LRP1B: variants seen among roughly 807,000 people sequenced by gnomAD.
LRP1B encodes the protein LDL receptor related protein 1B.
Under a neutral mutation model 556.6 loss-of-function variants are expected in LRP1B, and 217 were observed. The ratio of observed to expected loss-of-function variants is 0.39; its 90% CI spans 0.35 to 0.44. LRP1B has a LOEUF of 0.44. LRP1B is among the 20% of genes least tolerant of loss of function. The pLI, the probability that LRP1B is intolerant of heterozygous loss-of-function variation, is 1.00. For missense variants in LRP1B, 5,053 were observed against 5,620.8 expected (o/e 0.90, Z 3.23); for synonymous variants, 2,047 against 1,865.8 (o/e 1.10, Z -2.50).
At chr2:140,957,482 T>C (rs1164917647) in intron 18 of LRP1B, among the ~76,000 whole-genome samples, 4 of 144,268 alleles carry the variant, frequency 2.8e-5, no homozygotes, top group African/African-American at 9.9e-5. Context: ...GAAGTACATA[T>C]ACAATGAGAC....
chr2:140,302,144 TTA>T (rs1377789048), intron 83 of LRP1B, among the ~76,000 whole-genome samples: 5 of 152,208 alleles, frequency 3.3e-5, no homozygotes, highest in Admixed American at 6.5e-5. Context: ...ACAATTGTCT[TTA>T]TGTTTTCTCT....
chr2:141,065,113 AAATTTTT>A (rs1699443258), intron 7 of LRP1B, among the ~76,000 whole-genome samples: 1 of 151,812 alleles, frequency 6.6e-6, no homozygotes, highest in Admixed American at 6.6e-5. Flanking sequence ...AACTCACACA[AAATTTTT>A]AATTTTTAAG....
At chr2:140,297,656 G>T in intron 84 of LRP1B, 152 bp downstream of exon 84, 1 of 815,960 alleles carries the variant, frequency 1.2e-6, no homozygotes, top group Non-Finnish European at 1.9e-6. Flanking sequence ...TAAGAGAAAG[G>T]TGAAGAATGG....
chr2:141,830,595 C>A (rs917573883), intron 1 of LRP1B, among the ~76,000 whole-genome samples: 2 of 151,678 alleles, frequency 1.3e-5, no homozygotes, highest in African/African-American at 4.8e-5. Context: ...TTACCTTACT[C>A]CTACCAGTGC....
At chr2:141,952,544 G>T (rs1701135119) in intron 1 of LRP1B, among the ~76,000 whole-genome samples, 1 of 152,134 alleles carries the variant, frequency 6.6e-6, no homozygotes, top group Non-Finnish European at 1.5e-5. Context: ...TCTGAAAACA[G>T]TGGTGGGGAA....
At chr2:141,168,215 T>G (rs1189428991) in intron 7 of LRP1B, among the ~76,000 whole-genome samples, 1 of 152,042 alleles carries the variant, frequency 6.6e-6, no homozygotes, top group African/African-American at 2.4e-5. Flanking sequence ...TTTCAGCAAT[T>G]GCCATTAAAA....
intron 1 of LRP1B, among the ~76,000 whole-genome samples, chr2:142,073,510 T>C (rs1705395894): frequency 6.6e-6 from 1 of 152,104 alleles, no homozygotes; most frequent in Non-Finnish European, 1.5e-5. Flanking sequence ...CCAAATTTAC[T>C]TGCCTATATG....
intron 2 of LRP1B, among the ~76,000 whole-genome samples, chr2:141,748,465 C>T (rs13391850): frequency 0.036 from 5,410 of 152,236 alleles, 313 homozygotes; most frequent in African/African-American, 0.12. Context: ...ATAAGTGTAG[C>T]TTCTTCCTCT....
intron 29 of LRP1B, among the ~76,000 whole-genome samples, chr2:140,843,100 G>T (rs35495265): frequency 0.12 from 3,103 of 26,708 alleles, 194 homozygotes; most frequent in Middle Eastern, 0.25. Context: ...TTTTTTTTTT[G>T]TTTTTTTTTT....
chr2:142,117,583 C>T (rs1419249724), intron 1 of LRP1B, among the ~76,000 whole-genome samples: 1 of 151,938 alleles, frequency 6.6e-6, no homozygotes, highest in Non-Finnish European at 1.5e-5. Flanking sequence ...TATTGGTTCC[C>T]ACAATGGATT....
intron 1 of LRP1B, among the ~76,000 whole-genome samples, chr2:142,116,025 G>C (rs1270869185): frequency 6.9e-6 from 1 of 144,098 alleles, no homozygotes; most frequent in African/African-American, 2.6e-5. Flanking sequence ...GGGAGCAGGC[G>C]GCCAACATGG....
At chr2:140,336,421 T>A (rs1171260567) in intron 77 of LRP1B, among the ~76,000 whole-genome samples, 3 of 150,818 alleles carry the variant, frequency 2.0e-5, no homozygotes, top group African/African-American at 2.4e-5. Context: ...AACACTCAAT[T>A]TCTTTGGGTA....
intron 1 of LRP1B, among the ~76,000 whole-genome samples, chr2:142,009,618 T>C (rs1702894752): frequency 6.6e-6 from 1 of 152,168 alleles, no homozygotes; most frequent in Non-Finnish European, 1.5e-5. Context: ...CGCCGATATA[T>C]CTAATGTTGT....
chr2:141,276,415 AAC>A (rs1225958692), intron 3 of LRP1B, among the ~76,000 whole-genome samples: 4 of 151,948 alleles, frequency 2.6e-5, no homozygotes, highest in African/African-American at 7.3e-5. Flanking sequence ...CACAGTATCT[AAC>A]AGGTAGTTTT....
At chr2:140,619,891 C>T (rs1683390964) in intron 41 of LRP1B, among the ~76,000 whole-genome samples, 1 of 150,596 alleles carries the variant, frequency 6.6e-6, no homozygotes, top group Non-Finnish European at 1.5e-5. Context: ...AAGTGTCAAA[C>T]AAATATGATA....
intron 2 of LRP1B, among the ~76,000 whole-genome samples, chr2:141,528,002 A>G (rs1684747366): frequency 6.6e-6 from 1 of 151,988 alleles, no homozygotes; most frequent in African/African-American, 2.4e-5. Context: ...TAAAACAGTC[A>G]TCTGCCCCTC....
intron 86 of LRP1B, among the ~76,000 whole-genome samples, chr2:140,248,511 CAT>C (rs1681267426): frequency 6.6e-6 from 1 of 151,534 alleles, no homozygotes; most frequent in Non-Finnish European, 1.5e-5. Flanking sequence ...TTCTATACAT[CAT>C]GTTTATTATA....
At chr2:140,713,992 T>C (rs1250441318) in intron 37 of LRP1B, among the ~76,000 whole-genome samples, 1 of 152,086 alleles carries the variant, frequency 6.6e-6, no homozygotes, top group African/African-American at 2.4e-5. Flanking sequence ...CAACATGACA[T>C]TTGGATATGA....
chr2:141,260,982 C>T (rs1029807442), intron 3 of LRP1B, among the ~76,000 whole-genome samples: 4 of 152,002 alleles, frequency 2.6e-5, no homozygotes, highest in Non-Finnish European at 4.4e-5. Flanking sequence ...TATTCTTTCC[C>T]TATGTGGCAC....
Sources: allele counts gnomAD v4.1 joint callset (sites outside exome capture counted in the v4.1 genomes callset), GRCh38; gene constraint gnomAD v4.1.1; transcripts MANE v1.5; gene names NCBI Gene and HGNC (gene_info 2026-07-23, HGNC 2026-07-21).